Variants in VRK2 observed in about 807,000 individuals in gnomAD.
VRK2 encodes serine/threonine-protein kinase VRK2.
VRK2 carries 60 observed loss-of-function variants against 57.6 expected under a neutral mutation model. That is an observed-to-expected ratio of 1.04 (90% CI 0.85 to 1.29). VRK2 has a LOEUF of 1.29. VRK2 is among the 50% of genes most tolerant of loss of function. The probability of loss-of-function intolerance (pLI) is 0.00; values close to 1 mark genes in which losing one functional copy is unlikely to be tolerated. For synonymous variants in VRK2, 231 were observed against 199.2 expected, an observed-to-expected ratio of 1.16 and a Z score of -1.35; for missense variants, 705 against 588.1, an observed-to-expected ratio of 1.20 and a Z score of -2.06.
chr2:58,081,734 G>A (rs541240258), intron 2 of VRK2, among the ~76,000 whole-genome samples: 7 of 151,496 alleles, frequency 4.6e-5, no homozygotes, highest in African/African-American at 1.7e-4. Flanking sequence ...TCAGTCTACC[G>A]TATTCTAGAT....
chr2:58,136,921 T>G (rs1247207845), intron 10 of VRK2, among the ~76,000 whole-genome samples: 1 of 115,648 alleles, frequency 8.6e-6, no homozygotes, highest in Non-Finnish European at 1.7e-5. Context: ...ATATCATATA[T>G]GTGTATATAT....
intron 8 of VRK2, among the ~76,000 whole-genome samples, chr2:58,128,152 T>A (rs1025765892): frequency 6.6e-6 from 1 of 152,228 alleles, no homozygotes; most frequent in African/African-American, 2.4e-5. Context: ...ATTTGGTCAG[T>A]GCTGCAGCTT....
At chr2:58,037,145 A>T (rs1034925697) in intron 3 of VRK2, among the ~76,000 whole-genome samples, 1 of 151,992 alleles carries the variant, frequency 6.6e-6, no homozygotes, top group African/African-American at 2.4e-5. Context: ...CATGTTGCCC[A>T]GGCTGATCTC....
At chr2:57,944,820 T>A (rs1671211292) in intron 1 of VRK2, among the ~76,000 whole-genome samples, 1 of 124,970 alleles carries the variant, frequency 8.0e-6, no homozygotes, top group Non-Finnish European at 1.5e-5. Context: ...ATCCCCCTTG[T>A]TCCCTTTTTT....
intron 4 of VRK2, 127 bp from the exon 5 acceptor site, chr2:58,086,207 GATTGA>G (rs1671601575): frequency 1.4e-5 from 10 of 716,762 alleles, no homozygotes; most frequent in Non-Finnish European, 2.3e-5. Context: ...AGAGATGTTT[GATTGA>G]AAAAAAATTA....
chr2:57,989,245 C>G (rs1255957100), intron 1 of VRK2, among the ~76,000 whole-genome samples: 2 of 152,290 alleles, frequency 1.3e-5, no homozygotes, highest in South Asian at 2.1e-4. Flanking sequence ...GATTCACATT[C>G]AAATATACAT....
intron 7 of VRK2, among the ~76,000 whole-genome samples, chr2:58,106,299 G>A (rs1249027955): frequency 1.3e-5 from 2 of 151,984 alleles, no homozygotes; most frequent in African/African-American, 4.8e-5. Context: ...ATGAACTATT[G>A]AGGGAATTTT....
chr2:58,156,899 A>G (rs1288140961), intron 12 of VRK2, among the ~76,000 whole-genome samples: 1 of 152,106 alleles, frequency 6.6e-6, no homozygotes, highest in African/African-American at 2.4e-5. Context: ...TCTCATTTGT[A>G]GTAGTTTTAT....
chr2:58,017,447 T>C (rs1429788268), intron 1 of VRK2, among the ~76,000 whole-genome samples: 2 of 152,216 alleles, frequency 1.3e-5, no homozygotes, highest in South Asian at 2.1e-4. Context: ...CAGAGACTAG[T>C]TATTATGGTC....
upstream of VRK2, among the ~76,000 whole-genome samples, chr2:58,042,857 TTC>T (rs1205814249): frequency 6.6e-6 from 1 of 152,176 alleles, no homozygotes; most frequent in Non-Finnish European, 1.5e-5. Context: ...CATGTCTAGA[TTC>T]TCTTTTCTTT....
At chr2:58,087,324 G>C (rs1036493644) in intron 5 of VRK2, among the ~76,000 whole-genome samples, 6 of 152,166 alleles carry the variant, frequency 3.9e-5, no homozygotes, top group Non-Finnish European at 8.8e-5. Context: ...GTAAAGGACT[G>C]CCACTGGGGG....
At chr2:58,103,506 CAT>C (rs1674312955) in intron 7 of VRK2, among the ~76,000 whole-genome samples, 1 of 151,378 alleles carries the variant, frequency 6.6e-6, no homozygotes, top group Non-Finnish European at 1.5e-5. Context: ...GAAATGGATA[CAT>C]TCCTAGAAAC....
intron 7 of VRK2, among the ~76,000 whole-genome samples, chr2:58,115,029 G>C (rs2104436952): frequency 6.6e-6 from 1 of 152,234 alleles, no homozygotes; most frequent in South Asian, 2.1e-4. Flanking sequence ...ATAGCAGATG[G>C]AACACTGAGA....
rs201007391 is a variant in VRK2 at position 58,120,241 on chromosome 2, A to AGT, written c.544-2858_544-2857dup. 6.4e-3 allele frequency among the ~76,000 whole-genome samples: 737 copies of AGT among 114,504 alleles called. 10 individuals carry two copies. The highest frequency in any genetic ancestry group is 0.026 in the Middle Eastern group (3 of 114). The allele number at this position is 114,504 out of a possible 152,430, so 75.1% of individuals were successfully genotyped here. A position where few individuals can be genotyped will look rare whatever the true frequency, so the allele number is the denominator to read the frequency against. On this transcript the variant is annotated intron_variant, in intron 7 of 12. Coordinates refer to ENST00000340157, the MANE Select transcript of VRK2 (RefSeq NM_006296.7). Reference sequence around the variant, plus strand: ...AGTCTTGCTCTGTTGCCCAGGCTGGAGTGCAGTGGCACAATCTTCGGCTCA... The same window carrying AGT: ...AGTCTTGCTCTGTTGCCCAGGCTGGAGTGTGCAGTGGCACAATCTTCGGCTCA...
chr2:58,125,316 A>G lies in VRK2; in HGVS notation c.676+2083A>G, dbSNP rs77984791. 4.8e-3 allele frequency among the ~76,000 whole-genome samples: 732 copies of G among 152,190 alleles called. 7 individuals are homozygous for G. The highest frequency in any genetic ancestry group is 0.017 in the African/African-American group (709 of 41,540). ...CTGAAAGACCTATTCAATTAATTTCATTGTTTAGGGTGTCGTTTTCATTGT... is the reference window on the plus strand; with the variant it reads ...CTGAAAGACCTATTCAATTAATTTCGTTGTTTAGGGTGTCGTTTTCATTGT... On this transcript the variant is annotated intron_variant, in intron 8 of 12. Transcript: ENST00000340157.
intron 10 of VRK2, among the ~76,000 whole-genome samples, chr2:58,137,039 T>C (rs1218539909): frequency 5.5e-5 from 7 of 126,570 alleles, no homozygotes; most frequent in African/African-American, 9.9e-5. Flanking sequence ...ATATATATCA[T>C]ATATAATATA....
chr2:58,122,060 A>G (rs1397723940), intron 7 of VRK2, among the ~76,000 whole-genome samples: 1 of 152,206 alleles, frequency 6.6e-6, no homozygotes, highest in Non-Finnish European at 1.5e-5. Context: ...TTGCAATTCT[A>G]ACTGACTTAG....
chr2:58,074,736 G>A (rs942300272), intron 2 of VRK2, among the ~76,000 whole-genome samples: 3 of 152,018 alleles, frequency 2.0e-5, no homozygotes, highest in Non-Finnish European at 2.9e-5. Context: ...TTTTGCAGAT[G>A]TGAGTAATAA....
chr2:58,035,219 GAATTATT>G (rs1160805605), intron 3 of VRK2, among the ~76,000 whole-genome samples: 1 of 151,848 alleles, frequency 6.6e-6, no homozygotes, highest in Non-Finnish European at 1.5e-5. Context: ...TGCTACCATA[GAATTATT>G]TTCCTCTTTC....
Sources: allele counts gnomAD v4.1 joint callset (sites outside exome capture counted in the v4.1 genomes callset), GRCh38; gene constraint gnomAD v4.1.1; transcripts MANE v1.5; gene names NCBI Gene and HGNC (gene_info 2026-07-23, HGNC 2026-07-21).